The following SYT16 variants were observed in gnomAD, a reference collection of about 807,000 sequenced individuals.
The protein encoded by SYT16 is synaptotagmin-16.
Under a neutral mutation model 61.4 loss-of-function variants are expected in SYT16, and 42 were observed. The observed-to-expected ratio is 0.68, with a 90% CI of 0.53 to 0.89. The LOEUF is 0.89. Among genes scored for constraint, SYT16 ranks in the 40% least tolerant of loss-of-function variants. The pLI, the probability that SYT16 is intolerant of heterozygous loss-of-function variation, is 0.00. For synonymous variants in SYT16, 314 were observed against 302.3 expected, an observed-to-expected ratio of 1.04 and a Z score of -0.40; for missense variants, 804 against 807.3, an observed-to-expected ratio of 1.00 and a Z score of 0.05.
intron 3 of SYT16, among the ~76,000 whole-genome samples, chr14:62,033,565 G>A (rs927476473): frequency 1.3e-5 from 2 of 152,156 alleles, no homozygotes; most frequent in African/African-American, 4.8e-5. Context: ...GAGAGTATAT[G>A]AGAGCATGAG....
At chr14:62,006,153 T>A (rs576121971) in intron 3 of SYT16, among the ~76,000 whole-genome samples, 13 of 151,966 alleles carry the variant, frequency 8.6e-5, no homozygotes, top group African/African-American at 3.1e-4. Flanking sequence ...GATTGGACTC[T>A]CAGCTGTATG....
In SYT16 at chr14:62,110,260, C is replaced by G. The variant is rs1372129940; in HGVS notation, c.*9553C>G. 6 of 152,056 alleles carry G rather than the reference C, an allele frequency of 3.9e-5. No homozygotes were observed. Among genetic ancestry groups the G allele is most frequent in the Admixed American group, 2.0e-4 (3 of 15,260 alleles). 9.4% of individuals were successfully genotyped at this position (152,056 alleles called of 1,614,324 possible). On this transcript the variant is annotated 3_prime_UTR_variant, in exon 8 of 8. Transcript: ENST00000683842. Reference sequence around the variant, plus strand: ...AATATCAAGTCACAATTTTTTCAAGCCTTCATTGTTGCATCTATCAGATGG... The same window carrying G: ...AATATCAAGTCACAATTTTTTCAAGGCTTCATTGTTGCATCTATCAGATGG...
chr14:61,911,494 G>C (rs1339130498), intron 1 of SYT16, among the ~76,000 whole-genome samples: 1 of 152,092 alleles, frequency 6.6e-6, no homozygotes, highest in Non-Finnish European at 1.5e-5. Context: ...GTTTTCTGTT[G>C]AAAAATGTAC....
chr14:62,021,011 C>T (rs1358175770), intron 3 of SYT16, among the ~76,000 whole-genome samples: 3 of 152,180 alleles, frequency 2.0e-5, no homozygotes, highest in Non-Finnish European at 4.4e-5. Flanking sequence ...GTGCCCTGCT[C>T]ATGGTTTTAT....
intron 1 of SYT16, among the ~76,000 whole-genome samples, chr14:61,845,817 C>A (rs1382428477): frequency 1.3e-5 from 2 of 152,094 alleles, no homozygotes; most frequent in Admixed American, 6.5e-5. Flanking sequence ...TAGCTATAAA[C>A]TTCCCTCTTA....
chr14:61,888,610 A>T (rs1196746559), intron 1 of SYT16, among the ~76,000 whole-genome samples: 2 of 152,224 alleles, frequency 1.3e-5, no homozygotes, highest in African/African-American at 4.8e-5. Context: ...AAAGTCACTG[A>T]TCACAGATCA....
At position 61,826,790 on chromosome 14, in the gene SYT16, A is replaced by G. The variant is rs556375930; in HGVS notation, c.-325+13980A>G. ...TTAAACAACACACACGTATTTTCCT[A>G]CAGTTCTAGAGGTTGTAAGTCCAAG... On this transcript the variant is annotated intron_variant, in intron 1 of 7. Coordinates refer to ENST00000683842, the MANE Select transcript of SYT16 (RefSeq NM_001367656.1). Among the ~76,000 whole-genome samples the G allele has an allele frequency of 5.3e-5, 8 of 152,066 alleles. 1 individual carries two copies. In the South Asian group the frequency reaches 1.7e-3, roughly 32 times the overall value.
intron 3 of SYT16, among the ~76,000 whole-genome samples, chr14:62,058,652 C>T (rs771260224): frequency 1.3e-5 from 2 of 152,114 alleles, no homozygotes; most frequent in Non-Finnish European, 2.9e-5. Flanking sequence ...GCATGAGCCA[C>T]CATGCCTGGC....
intron 1 of SYT16, among the ~76,000 whole-genome samples, chr14:61,846,113 G>C (rs1432761773): frequency 6.6e-6 from 1 of 152,140 alleles, no homozygotes; most frequent in Non-Finnish European, 1.5e-5. Flanking sequence ...GGAAAAGAAT[G>C]TGTATTCTGC....
At chr14:61,921,111 C>A (rs1375791180) in intron 1 of SYT16, among the ~76,000 whole-genome samples, 1 of 152,182 alleles carries the variant, frequency 6.6e-6, no homozygotes, top group Non-Finnish European at 1.5e-5. Context: ...CTCTTGCCTC[C>A]CTTTGGAGAA....
At chr14:62,051,536 C>T (rs886238826) in intron 3 of SYT16, among the ~76,000 whole-genome samples, 6 of 152,234 alleles carry the variant, frequency 3.9e-5, no homozygotes, top group East Asian at 1.9e-4. Flanking sequence ...GTTGGAAATG[C>T]AGAAATCACC....
chr14:61,915,409 A>G (rs2049085411), intron 1 of SYT16, among the ~76,000 whole-genome samples: 7 of 152,186 alleles, frequency 4.6e-5, no homozygotes. Flanking sequence ...AACATAATAT[A>G]AAATTCCCTA....
chr14:61,972,337 G>A (rs1006365663), intron 2 of SYT16, among the ~76,000 whole-genome samples: 1 of 152,136 alleles, frequency 6.6e-6, no homozygotes, highest in East Asian at 1.9e-4. Flanking sequence ...TGTCTTGTTT[G>A]ACATTTTATC....
chr14:61,931,580 A>G (rs551375244), intron 1 of SYT16, among the ~76,000 whole-genome samples: 1 of 152,268 alleles, frequency 6.6e-6, no homozygotes, highest in Non-Finnish European at 1.5e-5. Context: ...AAGTTTTTCT[A>G]CAGCCCTTTT....
At chr14:61,939,203 C>G (rs1594960310) in intron 1 of SYT16, among the ~76,000 whole-genome samples, 1 of 152,246 alleles carries the variant, frequency 6.6e-6, no homozygotes, top group Admixed American at 6.5e-5. Context: ...GGGAACTTTG[C>G]TATAGAAGTC....
At chr14:62,019,580 G>A (rs1174928219) in intron 3 of SYT16, among the ~76,000 whole-genome samples, 1 of 152,170 alleles carries the variant, frequency 6.6e-6, no homozygotes, top group African/African-American at 2.4e-5. Flanking sequence ...ACATATTGCT[G>A]TACTTTTTTT....
At chr14:61,922,973 C>T (rs755637591) in intron 1 of SYT16, among the ~76,000 whole-genome samples, 5 of 150,824 alleles carry the variant, frequency 3.3e-5, no homozygotes, top group Admixed American at 2.0e-4. Flanking sequence ...CGCTTGAACC[C>T]GGGAGGCAGA....
chr14:61,901,304 C>G (rs1430426137), intron 1 of SYT16, among the ~76,000 whole-genome samples: 2 of 152,190 alleles, frequency 1.3e-5, no homozygotes, highest in Non-Finnish European at 2.9e-5. Context: ...GCTGCTGCAG[C>G]AAATACAAGG....
At chr14:61,981,063 G>A (rs1397277488) in intron 2 of SYT16, among the ~76,000 whole-genome samples, 2 of 152,130 alleles carry the variant, frequency 1.3e-5, no homozygotes, top group African/African-American at 4.8e-5. Flanking sequence ...CTGATAGACT[G>A]GAGATCCAGG....
Sources: gnomAD v4.1 joint callset for allele counts (sites outside exome capture counted in the v4.1 genomes callset) on GRCh38, gnomAD v4.1.1 for gene constraint, MANE v1.5 for transcripts, NCBI Gene and HGNC (gene_info 2026-07-23, HGNC 2026-07-21) for gene names.